ENTPD5: variants seen among roughly 807,000 people sequenced by gnomAD.
The protein encoded by ENTPD5 is ectonucleoside triphosphate diphosphohydrolase 5 (inactive), also known as nucleoside diphosphate phosphatase ENTPD5.
ENTPD5 carries 49 observed loss-of-function variants against 60.2 expected under a neutral mutation model. The ratio of observed to expected loss-of-function variants is 0.81; its 90% CI spans 0.65 to 1.03. ENTPD5 has a LOEUF of 1.03. Among genes scored for constraint, ENTPD5 ranks in the 50% least tolerant of loss-of-function variants. The pLI, the probability that ENTPD5 is intolerant of heterozygous loss-of-function variation, is 0.00. For missense variants in ENTPD5, 480 were observed against 507.6 expected (o/e 0.95, Z 0.52); for synonymous variants, 187 against 185.4 (o/e 1.01, Z -0.07).
In ENTPD5 at chr14:73,964,455, T is replaced by G. The variant is rs1258664279; in HGVS notation, c.*2473A>C. The G allele has an allele frequency of 6.6e-6, 1 of 152,192 alleles. No homozygotes were observed. The highest frequency in any genetic ancestry group is 1.5e-5 in the Non-Finnish European group (1 of 68,032). The allele number at this position is 152,192 out of a possible 1,614,324, so 9.4% of individuals were successfully genotyped here. On this transcript the variant is annotated 3_prime_UTR_variant, in exon 16 of 16. Transcript: ENST00000334696. ...ATCAAGGTTAACAAAATAGGTAAGT[T>G]CGTGGAGTTAGAATGCATCTTCCCT...
chr14:73,963,078 C>T (rs1167919172), downstream of ENTPD5: 1 of 1,177,772 alleles, frequency 8.5e-7, no homozygotes, highest in South Asian at 1.2e-5. Context: ...TTTTCAAGAT[C>T]TTATTTAATT....
rs1210860473 is a variant in ENTPD5, at chr14:73,964,289, G to A, written c.*2639C>T. 6.6e-6 allele frequency: 1 copy of A among 152,196 alleles called. No individual in the cohort carries two copies. Among genetic ancestry groups the A allele is most frequent in the Non-Finnish European group, 1.5e-5 (1 of 68,036 alleles). 9.4% of individuals were successfully genotyped at this position (152,196 alleles called of 1,614,324 possible). A position where few individuals can be genotyped will look rare whatever the true frequency, so the allele number is the denominator to read the frequency against. ...TTAAATATGTTAACACATCTACAAAGAGGAAACTATTAGAATCTGTAGGAC... is the reference window on the plus strand; with the variant it reads ...TTAAATATGTTAACACATCTACAAAAAGGAAACTATTAGAATCTGTAGGAC... On this transcript the variant is annotated 3_prime_UTR_variant, in exon 16 of 16. Coordinates refer to ENST00000334696, the MANE Select transcript of ENTPD5 (RefSeq NM_001249.5).
downstream of ENTPD5, among the ~76,000 whole-genome samples, chr14:73,957,585 G>A (rs923890161): frequency 2.0e-5 from 3 of 152,124 alleles, no homozygotes; most frequent in South Asian, 2.1e-4. Flanking sequence ...CGACAGGTGC[G>A]CACCATCACG....
intron 3 of ENTPD5, chr14:73,996,813 T>A (rs2058356088): frequency 6.6e-6 from 1 of 152,274 alleles, no homozygotes; most frequent in Non-Finnish European, 1.5e-5. Flanking sequence ...CATGGTGGCA[T>A]GCACCTGTAG....
At chr14:73,960,088 C>G, downstream of ENTPD5, 2 of 1,001,452 alleles carry the variant, frequency 2.0e-6, no homozygotes, top group Non-Finnish European at 2.4e-6. Context: ...TTTTTTGAAG[C>G]TGTAACACTT....
At chr14:74,012,638 G>A (rs988463289) in intron 2 of ENTPD5, among the ~76,000 whole-genome samples, 1 of 152,118 alleles carries the variant, frequency 6.6e-6, no homozygotes, top group Non-Finnish European at 1.5e-5. Context: ...AGGAACCGGT[G>A]GGGATTGCAG....
chr14:74,001,231 A>G (rs1168137322), intron 3 of ENTPD5, among the ~76,000 whole-genome samples: 3 of 151,934 alleles, frequency 2.0e-5, no homozygotes, highest in Admixed American at 6.6e-5. Context: ...GTCTGGGCGC[A>G]GTGGCTCATG....
downstream of ENTPD5, chr14:73,962,842 T>G (rs2056812160): frequency 2.6e-6 from 2 of 773,706 alleles, no homozygotes; most frequent in Non-Finnish European, 4.4e-6. Context: ...TGTATGTATA[T>G]TTTTCTTTTT....
At chr14:73,990,525 G>C (rs72627145) in intron 3 of ENTPD5, among the ~76,000 whole-genome samples, 12,801 of 151,616 alleles carry the variant, frequency 0.084, 893 homozygotes, top group East Asian at 0.32. Context: ...GTAGAGATGG[G>C]GTTCTGCCAT....
chr14:74,015,542 AGGGTTTTGCCAT>A, intron 2 of ENTPD5, among the ~76,000 whole-genome samples: 1 of 151,962 alleles, frequency 6.6e-6, no homozygotes, highest in Non-Finnish European at 1.5e-5. Flanking sequence ...TTGTAAAGAC[AGGGTTTTGCCAT>A]GTTGTCCAGA....
chr14:73,987,786 T>TA, intron 4 of ENTPD5, 100 bp downstream of exon 4: 1 of 1,071,602 alleles, frequency 9.3e-7, no homozygotes, highest in East Asian at 2.5e-5. Flanking sequence ...AGGTGTGAGA[T>TA]TCTGTAATTC....
chr14:74,009,565 C>T (rs867666418), intron 3 of ENTPD5, among the ~76,000 whole-genome samples: 1 of 152,152 alleles, frequency 6.6e-6, no homozygotes, highest in Non-Finnish European at 1.5e-5. Context: ...TGTCTTTCCC[C>T]CACCAAATGT....
chr14:74,014,165 G>A (rs2058937220), intron 2 of ENTPD5, among the ~76,000 whole-genome samples: 1 of 152,134 alleles, frequency 6.6e-6, no homozygotes, highest in Non-Finnish European at 1.5e-5. Flanking sequence ...TAGGCATAGT[G>A]GTGCACGCCT....
Position 73,964,822 on chromosome 14 carries a change from C to T in ENTPD5, c.*2106G>A, listed in dbSNP as rs2056907495. The T allele has an allele frequency of 6.6e-6, 1 of 152,082 alleles. No homozygotes were observed. The highest frequency in any genetic ancestry group is 6.6e-5 in the Admixed American group (1 of 15,262). 9.4% of individuals were successfully genotyped at this position (152,082 alleles called of 1,614,324 possible). Reference sequence around the variant, plus strand: ...GGAGAGATTAGAGCAGAACTAAGACCACTTAGAAGATAGGTAGATTTCAGC... The same window carrying T: ...GGAGAGATTAGAGCAGAACTAAGACTACTTAGAAGATAGGTAGATTTCAGC... On this transcript the variant is annotated 3_prime_UTR_variant, in exon 16 of 16. Coordinates refer to ENST00000334696, the MANE Select transcript of ENTPD5 (RefSeq NM_001249.5).
intron 1 of ENTPD5, among the ~76,000 whole-genome samples, chr14:74,018,052 T>G (rs1309542422): frequency 6.7e-6 from 1 of 150,046 alleles, no homozygotes; most frequent in Non-Finnish European, 1.5e-5. Context: ...TGTGGTGGCA[T>G]GCACCTGTAG....
intron 1 of ENTPD5, chr14:74,018,493 A>G (rs1364619003): frequency 6.6e-6 from 1 of 152,192 alleles, no homozygotes; most frequent in African/African-American, 2.4e-5. Flanking sequence ...TGACTCACTG[A>G]CTGACTCTCA....
At chr14:73,995,510 A>G (rs8016802) in intron 3 of ENTPD5, among the ~76,000 whole-genome samples, 128,177 of 151,306 alleles carry the variant, frequency 0.85, 54,605 homozygotes, top group East Asian at 0.95. Context: ...GTAACAGCTG[A>G]TCGGGCACAG....
Position 73,964,672 on chromosome 14 carries a change from T to G in ENTPD5, c.*2256A>C, listed in dbSNP as rs1338910061. 2 of 152,192 alleles carry G rather than the reference T, an allele frequency of 1.3e-5. No individual in the cohort carries two copies. The highest frequency in any genetic ancestry group is 4.8e-5 in the African/African-American group (2 of 41,454). 9.4% of individuals were successfully genotyped at this position (152,192 alleles called of 1,614,324 possible). A position where few individuals can be genotyped will look rare whatever the true frequency, so the allele number is the denominator to read the frequency against. On this transcript the variant is annotated 3_prime_UTR_variant, in exon 16 of 16. Coordinates refer to ENST00000334696, the MANE Select transcript of ENTPD5 (RefSeq NM_001249.5). ...CTACTGAAGGAAACATGGATGACAT[T>G]TAGTGTTCTGTGACTGGTCTGGCAC... is the stretch of plus-strand genomic sequence containing the variant.
At chr14:73,976,153 C>T (rs899097708) in intron 9 of ENTPD5, 138 bp from the exon 10 acceptor site, 6 of 866,490 alleles carry the variant, frequency 6.9e-6, no homozygotes, top group Admixed American at 2.2e-5. Context: ...CTTGAGGAAA[C>T]GAAGGGATTC....
Sources: allele counts gnomAD v4.1 joint callset (sites outside exome capture counted in the v4.1 genomes callset), GRCh38; gene constraint gnomAD v4.1.1; transcripts MANE v1.5; gene names NCBI Gene and HGNC (gene_info 2026-07-23, HGNC 2026-07-21).